IGSF21: variants seen among roughly 807,000 people sequenced by gnomAD.
IGSF21 encodes the protein immunoglobulin superfamily member 21.
In IGSF21, 28 loss-of-function variants were observed where a neutral mutation model predicts 46.8. That is an observed-to-expected ratio of 0.60 (90% confidence interval 0.44 to 0.82). IGSF21 has a LOEUF of 0.82. IGSF21 is among the 40% of genes least tolerant of loss of function. The pLI is 0.00. For missense variants in IGSF21, 624 were observed against 665.5 expected, an observed-to-expected ratio of 0.94 and a Z score of 0.69; for synonymous variants, 284 against 273.6, an observed-to-expected ratio of 1.04 and a Z score of -0.38.
chr1:18,271,845 G>C (rs1488781796), intron 2 of IGSF21, among the ~76,000 whole-genome samples: 2 of 152,198 alleles, frequency 1.3e-5, no homozygotes, highest in South Asian at 2.1e-4. Flanking sequence ...TGGGTGAGTA[G>C]CTGGCATGGA....
chr1:18,372,870 A>ATGGATGGATGGG (rs2086242717), intron 6 of IGSF21, among the ~76,000 whole-genome samples: 5 of 71,032 alleles, frequency 7.0e-5, no homozygotes, highest in African/African-American at 1.9e-4. Context: ...GGATGGGTGG[A>ATGGATGGATGGG]TGGATGGATG....
intron 2 of IGSF21, among the ~76,000 whole-genome samples, chr1:18,255,896 T>G (rs2084888014): frequency 6.6e-6 from 1 of 152,168 alleles, no homozygotes; most frequent in African/African-American, 2.4e-5. Context: ...GCAGCCCCAG[T>G]CCATTCTCCA....
chr1:18,345,433 G>A (rs2085882878), intron 4 of IGSF21, among the ~76,000 whole-genome samples: 1 of 152,126 alleles, frequency 6.6e-6, no homozygotes, highest in Non-Finnish European at 1.5e-5. Flanking sequence ...CGCCTAGGCT[G>A]GGGTGCAGTG....
rs112969542 is a variant in IGSF21, at chr1:18,325,610, G to A, written c.306-9282G>A. 2.5e-3 allele frequency among the ~76,000 whole-genome samples: 377 copies of A among 152,232 alleles called. 6 individuals are homozygous for A. Among genetic ancestry groups the A allele is most frequent in the South Asian group, 0.011 (54 of 4,826 alleles). ...GAACATCAGCTATTTTTGATTCATT[G>A]AGACTCCAACTGTAGGCTCACCATA... On this transcript the variant is annotated intron_variant, in intron 3 of 9. Coordinates refer to ENST00000251296, the MANE Select transcript of IGSF21 (RefSeq NM_032880.5).
intron 1 of IGSF21, among the ~76,000 whole-genome samples, chr1:18,173,177 A>G (rs1016625794): frequency 6.6e-6 from 1 of 152,244 alleles, no homozygotes; most frequent in African/African-American, 2.4e-5. Context: ...AGTCTCAGCT[A>G]CTTGGGAGGC....
At chr1:18,228,072 C>T in intron 2 of IGSF21, 62 bp downstream of exon 2, 2 of 1,262,550 alleles carry the variant, frequency 1.6e-6, no homozygotes, top group Non-Finnish European at 2.3e-6. Context: ...GTCCTCAGAG[C>T]CCTCTGGACA....
intron 6 of IGSF21, among the ~76,000 whole-genome samples, chr1:18,371,528 C>T (rs1023968444): frequency 6.6e-5 from 10 of 150,594 alleles, no homozygotes; most frequent in Non-Finnish European, 8.8e-5. Context: ...GCTGAGATTG[C>T]GCCACTGCAC....
chr1:18,372,620 G>GGATCGATGGATA (rs1553167512), intron 6 of IGSF21, among the ~76,000 whole-genome samples: 123 of 141,776 alleles, frequency 8.7e-4, no homozygotes, highest in African/African-American at 3.1e-3. Flanking sequence ...GTGGATGTTT[G>GGATCGATGGATA]GATGGATGGA....
intron 3 of IGSF21, among the ~76,000 whole-genome samples, chr1:18,314,369 C>T (rs937878980): frequency 4.6e-5 from 7 of 151,860 alleles, no homozygotes; most frequent in Non-Finnish European, 1.0e-4. Flanking sequence ...TTTCTTACCA[C>T]GATTCCAGCT....
At chr1:18,260,778 A>C (rs1013534981) in intron 2 of IGSF21, among the ~76,000 whole-genome samples, 1 of 152,052 alleles carries the variant, frequency 6.6e-6, no homozygotes, top group African/African-American at 2.4e-5. Context: ...TGTTTTAGCT[A>C]TTCCTCAGTT....
intron 3 of IGSF21, among the ~76,000 whole-genome samples, chr1:18,318,461 C>CGT (rs1170634882): frequency 2.2e-5 from 2 of 90,328 alleles, no homozygotes; most frequent in African/African-American, 4.2e-5. Context: ...CGTGTGCGTG[C>CGT]GTGCGTGTGT....
intron 1 of IGSF21, among the ~76,000 whole-genome samples, chr1:18,198,384 G>A (rs2087030638): frequency 6.6e-6 from 1 of 152,154 alleles, no homozygotes; most frequent in South Asian, 2.1e-4. Context: ...GGGCCCGTAG[G>A]GTGGCCCTGC....
chr1:18,277,650 C>T lies in IGSF21; in HGVS notation c.184-14216C>T, dbSNP rs183162656. On this transcript the variant is annotated intron_variant, in intron 2 of 9. Transcript: ENST00000251296. ...CAGGTGCCTTTTAACAAAAGAACAGCTTAACAAACATAGCGTCTCCTTGAC... is the reference window on the plus strand; with the variant it reads ...CAGGTGCCTTTTAACAAAAGAACAGTTTAACAAACATAGCGTCTCCTTGAC... Among the ~76,000 whole-genome samples, 120 of 152,292 alleles carry T rather than the reference C, an allele frequency of 7.9e-4. No homozygotes were observed. In the South Asian group the frequency reaches 0.013, roughly 17 times the overall value.
At chr1:18,304,016 G>A (rs1414060128) in intron 3 of IGSF21, among the ~76,000 whole-genome samples, 2 of 152,212 alleles carry the variant, frequency 1.3e-5, no homozygotes, top group South Asian at 2.1e-4. Context: ...AGGGAGATTG[G>A]GGTGGGGTGT....
At chr1:18,256,201 A>G (rs2084890878) in intron 2 of IGSF21, among the ~76,000 whole-genome samples, 1 of 152,104 alleles carries the variant, frequency 6.6e-6, no homozygotes, top group Admixed American at 6.5e-5. Flanking sequence ...CTCCTGTATG[A>G]CTAGGGTAAT....
chr1:18,374,504 G>T (rs1054609955), intron 6 of IGSF21, among the ~76,000 whole-genome samples: 1 of 152,022 alleles, frequency 6.6e-6, no homozygotes, highest in Non-Finnish European at 1.5e-5. Context: ...AACTCAGCTC[G>T]CAGGTATCCC....
At chr1:18,263,813 C>G (rs1298976663) in intron 2 of IGSF21, among the ~76,000 whole-genome samples, 1 of 152,166 alleles carries the variant, frequency 6.6e-6, no homozygotes, top group Non-Finnish European at 1.5e-5. Flanking sequence ...TTGAGAAGTC[C>G]TGTCTAAAAA....
intron 4 of IGSF21, among the ~76,000 whole-genome samples, chr1:18,351,106 G>A (rs891935539): frequency 3.9e-5 from 6 of 152,064 alleles, no homozygotes; most frequent in African/African-American, 1.5e-4. Flanking sequence ...GGGAAATGAC[G>A]GCCATGTCGC....
At chr1:18,303,594 G>A (rs906258014) in intron 3 of IGSF21, among the ~76,000 whole-genome samples, 17 of 152,212 alleles carry the variant, frequency 1.1e-4, no homozygotes, top group African/African-American at 3.6e-4. Flanking sequence ...AGTTAGTTCC[G>A]ATGTTGAATG....
Sources: gnomAD v4.1 joint callset for allele counts (sites outside exome capture counted in the v4.1 genomes callset) on GRCh38, gnomAD v4.1.1 for gene constraint, MANE v1.5 for transcripts, NCBI Gene and HGNC (gene_info 2026-07-23, HGNC 2026-07-21) for gene names.